LIAT1: variants seen among roughly 807,000 people sequenced by gnomAD.
LIAT1 encodes ligand of ATE1.
At chr17:413,473 G>A in the LIAT1 span, 4 of 1,570,738 alleles carry the variant, frequency 2.5e-6, no homozygotes, top group South Asian at 3.4e-5. Context: ...CCGACCCCGA[G>A]GCCCTCAAGG....
At chr17:413,366 A>G in the LIAT1 span, 1 of 1,614,248 alleles carries the variant, frequency 6.2e-7, no homozygotes, top group South Asian at 1.1e-5. Context: ...TTGGGATGGA[A>G]TTCTTGCTGA....
chr17:410,387 CCG>C, the LIAT1 span: 1 of 1,523,664 alleles, frequency 6.6e-7, no homozygotes, highest in African/African-American at 1.4e-5. Flanking sequence ...CTGAGAGTCG[CCG>C]ATTAGTCGGC....
At chr17:414,090 A>G in the LIAT1 span, 1 of 1,613,690 alleles carries the variant, frequency 6.2e-7, no homozygotes, top group African/African-American at 1.3e-5. The surrounding 1 kb of genome is among the most constrained non-coding windows in gnomAD (Gnocchi z 4.1). Flanking sequence ...CTACACTCTG[A>G]CTTAGCTCCT....
chr17:413,374 T>C, the LIAT1 span: 6 of 1,614,162 alleles, frequency 3.7e-6, no homozygotes, highest in African/African-American at 5.3e-5. Context: ...GAATTCTTGC[T>C]GACCCGGAGG....
chr17:414,352 A>G, the LIAT1 span: 1 of 528,266 alleles, frequency 1.9e-6, no homozygotes, highest in Non-Finnish European at 3.3e-6. This position sits in a 1 kb window ranked among gnomAD's most constrained non-coding sequence, Gnocchi z 4.1. Context: ...CCTTTTTCTT[A>G]AGTAAGCATC....
the LIAT1 span, chr17:410,636 C>G: frequency 1.3e-6 from 2 of 1,540,746 alleles, no homozygotes; most frequent in South Asian, 2.4e-5. Context: ...AGGGGTCTGG[C>G]AAGGGGGACG....
chr17:414,138 A>G, the LIAT1 span: 5 of 1,602,638 alleles, frequency 3.1e-6, no homozygotes, highest in Non-Finnish European at 4.3e-6. This position sits in a 1 kb window ranked among gnomAD's most constrained non-coding sequence, Gnocchi z 4.1. Context: ...GACGCTCACA[A>G]ACTTATAATT....
chr17:412,502 C>T, the LIAT1 span, among the ~76,000 whole-genome samples: 3 of 151,662 alleles, frequency 2.0e-5, no homozygotes, highest in African/African-American at 4.9e-5. Context: ...AATAAAAGGA[C>T]GAGCTGATGA....
At chr17:412,581 A>T in the LIAT1 span, among the ~76,000 whole-genome samples, 22 of 152,342 alleles carry the variant, frequency 1.4e-4, no homozygotes, top group South Asian at 3.9e-3. Context: ...TGTTAAAAAA[A>T]AAAATCAGTA....
chr17:410,536 C>A, the LIAT1 span: 1 of 1,546,044 alleles, frequency 6.5e-7, no homozygotes, highest in Non-Finnish European at 8.7e-7. Flanking sequence ...GCCGCGGGCC[C>A]GCGGGGGTCT....
chr17:412,301 C>CAA, the LIAT1 span, among the ~76,000 whole-genome samples: 7,459 of 117,644 alleles, frequency 0.063, 218 homozygotes, highest in Non-Finnish European at 0.085. Flanking sequence ...GACTCAGTCT[C>CAA]AAAAAAAAAA....
At chr17:410,331 G>T in the LIAT1 span, 2 of 1,459,274 alleles carry the variant, frequency 1.4e-6, no homozygotes, top group Middle Eastern at 2.5e-4. Flanking sequence ...AGGCGCAGCA[G>T]GGGTGGTCGC....
the LIAT1 span, among the ~76,000 whole-genome samples, chr17:411,423 C>G: frequency 6.6e-6 from 1 of 152,164 alleles, no homozygotes; most frequent in Non-Finnish European, 1.5e-5. Context: ...AATCCGAGCA[C>G]TTTGGGAGGC....
the LIAT1 span, among the ~76,000 whole-genome samples, chr17:411,740 T>C: frequency 1.3e-5 from 2 of 152,148 alleles, no homozygotes; most frequent in Admixed American, 1.3e-4. Flanking sequence ...AAGCTCTTCT[T>C]GTAGAACCCC....
the LIAT1 span, chr17:413,263 AAAG>A: frequency 1.2e-6 from 2 of 1,614,208 alleles, no homozygotes; most frequent in Non-Finnish European, 1.7e-6. Context: ...GCAAAGTGGA[AAAG>A]AAGCACCTCC....
chr17:412,998 TG>T, the LIAT1 span: 2 of 756,918 alleles, frequency 2.6e-6, no homozygotes, highest in Non-Finnish European at 4.2e-6. Context: ...CACAGGCAGG[TG>T]GGCACGAGGC....
At chr17:413,855 G>A in the LIAT1 span, 10 of 1,450,068 alleles carry the variant, frequency 6.9e-6, no homozygotes, top group East Asian at 5.9e-5. Flanking sequence ...CTTCCACCCC[G>A]ACCCCGAGGC....
chr17:414,254 C>A, the LIAT1 span: 4 of 1,072,150 alleles, frequency 3.7e-6, no homozygotes, highest in Non-Finnish European at 5.4e-6. This position sits in a 1 kb window ranked among gnomAD's most constrained non-coding sequence, Gnocchi z 4.1. Flanking sequence ...CCGACTCTCC[C>A]ATCACCAAGC....
chr17:413,996 G>A, the LIAT1 span: 1 of 1,614,216 alleles, frequency 6.2e-7, no homozygotes, highest in Non-Finnish European at 8.5e-7. Context: ...CTCGGACAAA[G>A]ATGGCAGCTC....
Sources: allele counts gnomAD v4.1 joint callset (sites outside exome capture counted in the v4.1 genomes callset), GRCh38; gene constraint gnomAD v4.1.1; non-coding constraint Gnocchi (gnomAD v3.1); transcripts MANE v1.5; gene names NCBI Gene and HGNC (gene_info 2026-07-23, HGNC 2026-07-21).